Variants in LMBR1 observed in about 807,000 individuals in gnomAD.
LMBR1 encodes the protein limb development membrane protein 1.
A neutral mutation model predicts 73.9 loss-of-function variants in LMBR1; 52 were observed. The observed-to-expected ratio is 0.70, with a 90% confidence interval of 0.56 to 0.89. The LOEUF (loss-of-function observed/expected upper bound fraction) is 0.89. Among genes scored for constraint, LMBR1 ranks in the 40% least tolerant of loss-of-function variants. LMBR1 has a pLI of 0.00. For synonymous variants in LMBR1, 215 were observed against 209.4 expected (o/e 1.03, Z -0.23); for missense variants, 539 against 579.8 (o/e 0.93, Z 0.72).
At chr7:156,739,298 T>A (rs147004269) in intron 9 of LMBR1, among the ~76,000 whole-genome samples, 121 of 152,178 alleles carry the variant, frequency 8.0e-4, no homozygotes, top group Admixed American at 2.2e-3. Context: ...CCAACTAGAT[T>A]TCTAAAGTTT....
intron 15 of LMBR1, among the ~76,000 whole-genome samples, chr7:156,706,844 C>A (rs1811038404): frequency 2.0e-5 from 3 of 148,548 alleles, no homozygotes; most frequent in Admixed American, 1.3e-4. Flanking sequence ...AAACCAAATC[C>A]AAAATCAGTA....
intron 4 of LMBR1, among the ~76,000 whole-genome samples, chr7:156,825,760 T>C (rs1292226929): frequency 6.6e-6 from 1 of 152,184 alleles, no homozygotes; most frequent in African/African-American, 2.4e-5. Context: ...ACAATTACTT[T>C]ACATACATCA....
At chr7:156,754,564 T>A (rs931963746) in intron 9 of LMBR1, among the ~76,000 whole-genome samples, 1 of 152,174 alleles carries the variant, frequency 6.6e-6, no homozygotes, top group African/African-American at 2.4e-5. Context: ...TTGTATTTTT[T>A]AAAAAGTCTT....
At chr7:156,774,327 C>T (rs963607337) in intron 5 of LMBR1, among the ~76,000 whole-genome samples, 4 of 152,188 alleles carry the variant, frequency 2.6e-5, no homozygotes, top group Non-Finnish European at 4.4e-5. Context: ...GAACTTAAAA[C>T]AGAACTACCA....
chr7:156,851,849 A>G (rs1796284949), intron 1 of LMBR1, among the ~76,000 whole-genome samples: 1 of 152,172 alleles, frequency 6.6e-6, no homozygotes, highest in Non-Finnish European at 1.5e-5. Flanking sequence ...AACAATAAGG[A>G]CTTTTATTTA....
At chr7:156,778,304 C>T (rs1158877630) in intron 5 of LMBR1, among the ~76,000 whole-genome samples, 1 of 152,086 alleles carries the variant, frequency 6.6e-6, no homozygotes, top group Non-Finnish European at 1.5e-5. Context: ...ACGGTACAAG[C>T]CATCAAAATT....
chr7:156,810,334 G>A lies in LMBR1; in HGVS notation c.320-13842C>T, dbSNP rs1585949852. Among the ~76,000 whole-genome samples the A allele has an allele frequency of 3.3e-5, 5 of 152,208 alleles. No homozygotes were observed. The South Asian group carries it at 1.0e-3, about 32-fold the overall frequency. ...GGAGGGAATTCATCTATTCTTGGGG[G>A]ATCTGCCCCACTGGCCCAAACACCT... is the stretch of plus-strand genomic sequence containing the variant. On this transcript the variant is annotated intron_variant, in intron 4 of 16. Coordinates refer to ENST00000353442, the MANE Select transcript of LMBR1 (RefSeq NM_022458.4).
intron 7 of LMBR1, among the ~76,000 whole-genome samples, chr7:156,762,487 A>C (rs1823240037): frequency 6.6e-6 from 1 of 152,244 alleles, no homozygotes; most frequent in Non-Finnish European, 1.5e-5. Flanking sequence ...ATAATAATAA[A>C]TACTTTTGCT....
intron 4 of LMBR1, among the ~76,000 whole-genome samples, chr7:156,804,914 C>T (rs1445784756): frequency 6.6e-6 from 1 of 152,006 alleles, no homozygotes; most frequent in Non-Finnish European, 1.5e-5. Context: ...TGGCCTAGTT[C>T]AATGTTACAA....
At chr7:156,875,147 G>A (rs1799965563) in intron 1 of LMBR1, among the ~76,000 whole-genome samples, 1 of 152,054 alleles carries the variant, frequency 6.6e-6, no homozygotes, top group Admixed American at 6.5e-5. Flanking sequence ...TTAGAGAAAT[G>A]CAAAATTTTC....
At chr7:156,871,328 G>A (rs976711531) in intron 1 of LMBR1, among the ~76,000 whole-genome samples, 1 of 152,134 alleles carries the variant, frequency 6.6e-6, no homozygotes, top group African/African-American at 2.4e-5. Flanking sequence ...AAAAGCCCAG[G>A]ACCAGATGGT....
chr7:156,861,059 T>C (rs1453999076), intron 1 of LMBR1, among the ~76,000 whole-genome samples: 2 of 152,220 alleles, frequency 1.3e-5, no homozygotes, highest in Non-Finnish European at 1.5e-5. Context: ...GGTGTCCCAG[T>C]AGTAACTCTG....
chr7:156,877,469 C>T (rs1016671292), intron 1 of LMBR1, among the ~76,000 whole-genome samples: 24 of 152,134 alleles, frequency 1.6e-4, no homozygotes, highest in Non-Finnish European at 3.1e-4. Flanking sequence ...GACCAATATC[C>T]TTGATGAAGA....
chr7:156,766,373 TG>T (rs1316898895), intron 5 of LMBR1, among the ~76,000 whole-genome samples: 1 of 152,102 alleles, frequency 6.6e-6, no homozygotes, highest in African/African-American at 2.4e-5. Context: ...AGGCCCACTG[TG>T]GGGCTTGGGT....
At chr7:156,839,022 G>C (rs1338343350) in intron 1 of LMBR1, among the ~76,000 whole-genome samples, 2 of 147,500 alleles carry the variant, frequency 1.4e-5, no homozygotes, top group Non-Finnish European at 3.0e-5. Flanking sequence ...GTCTTCTTTT[G>C]AGAAATATCT....
At chr7:156,790,672 A>T (rs1242991834) in intron 5 of LMBR1, among the ~76,000 whole-genome samples, 2 of 152,024 alleles carry the variant, frequency 1.3e-5, no homozygotes, top group Non-Finnish European at 2.9e-5. Flanking sequence ...CTATAAAGCC[A>T]TAATTTAGTG....
intron 9 of LMBR1, among the ~76,000 whole-genome samples, chr7:156,737,561 T>C (rs1407919977): frequency 6.6e-6 from 1 of 152,220 alleles, no homozygotes; most frequent in Non-Finnish European, 1.5e-5. Context: ...CTGGATCTCC[T>C]GAGCTGGTTC....
intron 7 of LMBR1, 93 bp downstream of exon 7, chr7:156,763,015 T>C (rs990167933): frequency 8.9e-6 from 6 of 671,130 alleles, no homozygotes; most frequent in African/African-American, 7.7e-5. Flanking sequence ...AAAATCCAAA[T>C]AGTTAAGAAA....
At chr7:156,695,448 A>G (rs1177070154) in intron 15 of LMBR1, among the ~76,000 whole-genome samples, 1 of 152,234 alleles carries the variant, frequency 6.6e-6, no homozygotes, top group Non-Finnish European at 1.5e-5. Flanking sequence ...GCATCTGCTC[A>G]GTTTCTGGGG....
Sources: allele counts gnomAD v4.1 joint callset (sites outside exome capture counted in the v4.1 genomes callset), GRCh38; gene constraint gnomAD v4.1.1; transcripts MANE v1.5; gene names NCBI Gene and HGNC (gene_info 2026-07-23, HGNC 2026-07-21).